The following DNM3 variants were observed in gnomAD, a reference collection of about 807,000 sequenced individuals.
The protein encoded by DNM3 is dynamin-3.
In DNM3, 47 loss-of-function variants were observed where a neutral mutation model predicts 101.6. The observed-to-expected ratio is 0.46, with a 90% CI of 0.37 to 0.59. DNM3 has a LOEUF of 0.59. DNM3 is among the 20% of genes least tolerant of loss of function. DNM3 has a pLI of 0.00. For synonymous variants in DNM3, 385 were observed against 387.9 expected (o/e 0.99, Z 0.09); for missense variants, 849 against 1,085.7 (o/e 0.78, Z 3.06).
chr1:171,846,741 T>G lies in DNM3; in HGVS notation c.161+4924T>G, dbSNP rs7527401. On this transcript the variant is annotated intron_variant, in intron 1 of 20. Coordinates refer to ENST00000627582, the MANE Select transcript of DNM3 (RefSeq NM_015569.5). ...ATGGCCAAAGTTTTGCAATTTATCC[T>G]AGTCCAAGTTTGCATTGCAGTTTCT... Among the ~76,000 whole-genome samples, 1,264 of 152,362 alleles carry G rather than the reference T, an allele frequency of 8.3e-3. 23 individuals are homozygous for G. Among genetic ancestry groups the G allele is most frequent in the African/African-American group, 0.029 (1,208 of 41,584 alleles).
In DNM3 at chr1:172,409,890, G is replaced by A; in HGVS notation, c.*2049G>A. 1 of 985,600 alleles carries A rather than the reference G, an allele frequency of 1.0e-6. No homozygotes were observed. The highest frequency in any genetic ancestry group is 1.1e-4 in the East Asian group (1 of 8,812). The allele number at this position is 985,600 out of a possible 1,614,324, so 61.1% of individuals were successfully genotyped here. ...TTTCCTTCTGTTAAAGGAAAATATT[G>A]TGAATAACCACTGGTGTGTTCTTAG... On this transcript the variant is annotated 3_prime_UTR_variant, in exon 21 of 21. Coordinates refer to ENST00000627582, the MANE Select transcript of DNM3 (RefSeq NM_015569.5).
intron 2 of DNM3, among the ~76,000 whole-genome samples, chr1:171,980,583 C>G (rs113854850): frequency 1.2e-3 from 183 of 152,140 alleles, no homozygotes; most frequent in African/African-American, 4.3e-3. Context: ...TGTATCTGCT[C>G]CCCAACCTCT....
In DNM3 at chr1:172,104,821, G is replaced by A. The variant is rs147057386; in HGVS notation, c.1545+11946G>A. On this transcript the variant is annotated intron_variant, in intron 13 of 20. Coordinates refer to ENST00000627582, the MANE Select transcript of DNM3 (RefSeq NM_015569.5). ...TTTCCCTGTAACCTGTCTGAGATTCGTCATGGCACATGGTAGGAGGTGAGG... is the reference window on the plus strand; with the variant it reads ...TTTCCCTGTAACCTGTCTGAGATTCATCATGGCACATGGTAGGAGGTGAGG... Among the ~76,000 whole-genome samples, 276 of 152,164 alleles carry A rather than the reference G, an allele frequency of 1.8e-3. 4 individuals carry two copies. Among genetic ancestry groups the A allele is most frequent in the South Asian group, 0.017 (83 of 4,820 alleles).
At chr1:172,011,816 C>T (rs1302426361) in intron 4 of DNM3, among the ~76,000 whole-genome samples, 1 of 151,866 alleles carries the variant, frequency 6.6e-6, no homozygotes, top group Admixed American at 6.6e-5. Context: ...TTTTTATTTC[C>T]ACTTGCAAAA....
intron 14 of DNM3, chr1:172,139,715 T>A (rs1275424773): frequency 1.3e-5 from 2 of 152,224 alleles, no homozygotes; most frequent in African/African-American, 2.4e-5. Context: ...GTTAGTGCAA[T>A]ATAGTTACAA....
At chr1:171,989,460 A>G (rs1211494442) in intron 4 of DNM3, among the ~76,000 whole-genome samples, 1 of 152,070 alleles carries the variant, frequency 6.6e-6, no homozygotes, top group Non-Finnish European at 1.5e-5. Flanking sequence ...AGTTGGTAAA[A>G]TAAACTTCTG....
intron 14 of DNM3, among the ~76,000 whole-genome samples, chr1:172,215,603 G>T (rs2060664918): frequency 6.6e-6 from 1 of 151,926 alleles, no homozygotes; most frequent in South Asian, 2.1e-4. Context: ...AGCTTTGGAA[G>T]ATATCAGAGC....
At chr1:172,051,812 T>A (rs76203914) in intron 10 of DNM3, among the ~76,000 whole-genome samples, 2,280 of 152,288 alleles carry the variant, frequency 0.015, 53 homozygotes, top group African/African-American at 0.05. Flanking sequence ...TTAGTTTTTT[T>A]ATCTATTACT....
chr1:172,080,149 C>T (rs1383001275), intron 11 of DNM3, among the ~76,000 whole-genome samples: 1 of 152,182 alleles, frequency 6.6e-6, no homozygotes, highest in African/African-American at 2.4e-5. Flanking sequence ...AGCTCGAGCA[C>T]TGTGCTGGGA....
At chr1:171,865,352 C>CAA (rs984411544) in intron 1 of DNM3, among the ~76,000 whole-genome samples, 3 of 151,224 alleles carry the variant, frequency 2.0e-5, no homozygotes, top group African/African-American at 7.3e-5. Flanking sequence ...CTCATCTCTA[C>CAA]AAAAAAATAC....
At chr1:172,227,195 A>G (rs568317392) in intron 14 of DNM3, among the ~76,000 whole-genome samples, 2 of 148,328 alleles carry the variant, frequency 1.3e-5, no homozygotes, top group African/African-American at 2.5e-5. Context: ...ACTTAGAATA[A>G]TCACCCCCCA....
chr1:171,874,734 G>C (rs1200816413), intron 1 of DNM3, among the ~76,000 whole-genome samples: 2 of 151,702 alleles, frequency 1.3e-5, no homozygotes, highest in African/African-American at 4.8e-5. Flanking sequence ...ATGATGCTGA[G>C]GTTTGGAGTA....
chr1:172,094,939 G>A (rs1558560473), intron 13 of DNM3, among the ~76,000 whole-genome samples: 1 of 152,136 alleles, frequency 6.6e-6, no homozygotes, highest in Non-Finnish European at 1.5e-5. Context: ...TAGTATAATA[G>A]CATATATGCA....
chr1:172,381,389 TTTG>T (rs2068895154), intron 18 of DNM3, among the ~76,000 whole-genome samples: 1 of 152,008 alleles, frequency 6.6e-6, no homozygotes, highest in Admixed American at 6.6e-5. Flanking sequence ...AATTTAACTT[TTTG>T]TATCTACCAG....
At chr1:172,041,157 A>G (rs1274117197) in intron 7 of DNM3, among the ~76,000 whole-genome samples, 1 of 152,136 alleles carries the variant, frequency 6.6e-6, no homozygotes, top group Non-Finnish European at 1.5e-5. Flanking sequence ...GCCTTCAGTG[A>G]TGCTGGGAGG....
chr1:172,285,311 A>T (rs1443662315), intron 15 of DNM3, among the ~76,000 whole-genome samples: 1 of 152,220 alleles, frequency 6.6e-6, no homozygotes, highest in Non-Finnish European at 1.5e-5. Flanking sequence ...GTTTTTACCA[A>T]CTTTTTGCAG....
chr1:172,236,325 T>A (rs2061544102), intron 14 of DNM3, among the ~76,000 whole-genome samples: 1 of 152,100 alleles, frequency 6.6e-6, no homozygotes, highest in African/African-American at 2.4e-5. Flanking sequence ...AAAAATAATG[T>A]AGTACGATGT....
intron 10 of DNM3, among the ~76,000 whole-genome samples, chr1:172,053,560 GT>G (rs2050360037): frequency 6.6e-6 from 1 of 152,040 alleles, no homozygotes; most frequent in Admixed American, 6.5e-5. Context: ...AAGGCGCTGT[GT>G]TTTTTATCTT....
intron 14 of DNM3, among the ~76,000 whole-genome samples, chr1:172,244,451 C>G (rs2148660050): frequency 6.6e-6 from 1 of 151,626 alleles, no homozygotes; most frequent in African/African-American, 2.4e-5. Flanking sequence ...TCGCAACCTA[C>G]TCATCTGACA....
Sources: gnomAD v4.1 joint callset for allele counts (sites outside exome capture counted in the v4.1 genomes callset) on GRCh38, gnomAD v4.1.1 for gene constraint, MANE v1.5 for transcripts, NCBI Gene and HGNC (gene_info 2026-07-23, HGNC 2026-07-21) for gene names.